The following WARS2 variants were observed in gnomAD, a reference collection of about 807,000 sequenced individuals.
The protein encoded by WARS2 is tryptophan--tRNA ligase, mitochondrial.
WARS2 carries 28 observed loss-of-function variants against 36.5 expected under a neutral mutation model. The observed-to-expected ratio is 0.77, with a 90% CI of 0.57 to 1.05. The LOEUF is 1.05. Among genes scored for constraint, WARS2 ranks in the 50% least tolerant of loss-of-function variants. The pLI, the probability that WARS2 is intolerant of heterozygous loss-of-function variation, is 0.00. For synonymous variants in WARS2, 174 were observed against 178.4 expected (o/e 0.98, Z 0.20); for missense variants, 435 against 456.8 (o/e 0.95, Z 0.44).
At chr1:119,056,672 T>C (rs1463796306) in intron 2 of WARS2, among the ~76,000 whole-genome samples, 1 of 151,516 alleles carries the variant, frequency 6.6e-6, no homozygotes, top group Non-Finnish European at 1.5e-5. Context: ...CCAATCAAGA[T>C]ACAGAAAATT....
At chr1:119,095,731 A>G (rs998555581) in intron 1 of WARS2, among the ~76,000 whole-genome samples, 3 of 152,216 alleles carry the variant, frequency 2.0e-5, no homozygotes, top group Non-Finnish European at 4.4e-5. Context: ...GCACCCAGCC[A>G]GTAGTCCAAT....
intron 1 of WARS2, among the ~76,000 whole-genome samples, chr1:119,083,805 A>G (rs1408001829): frequency 1.3e-5 from 2 of 152,212 alleles, no homozygotes; most frequent in African/African-American, 4.8e-5. Flanking sequence ...AAATAATTAG[A>G]AAATTAAATG....
At chr1:119,117,530 C>A (rs1655052493) in intron 1 of WARS2, among the ~76,000 whole-genome samples, 1 of 152,186 alleles carries the variant, frequency 6.6e-6, no homozygotes, top group South Asian at 2.1e-4. Context: ...GCAGAACAAC[C>A]CTGCTCCAAA....
intron 1 of WARS2, among the ~76,000 whole-genome samples, chr1:119,094,512 G>T (rs1653279475): frequency 6.6e-6 from 1 of 151,396 alleles, no homozygotes; most frequent in Non-Finnish European, 1.5e-5. Flanking sequence ...AAGTAAATAT[G>T]TCTTTAAATT....
At chr1:119,098,405 T>TA (rs776696926) in intron 1 of WARS2, among the ~76,000 whole-genome samples, 23 of 152,214 alleles carry the variant, frequency 1.5e-4, no homozygotes, top group Non-Finnish European at 3.2e-4. Context: ...GAGTAGATGT[T>TA]ATGTGATAAT....
At chr1:119,034,921 A>G (rs1384216971) in intron 4 of WARS2, among the ~76,000 whole-genome samples, 1 of 152,218 alleles carries the variant, frequency 6.6e-6, no homozygotes, top group Non-Finnish European at 1.5e-5. Flanking sequence ...AAGTAAAAAA[A>G]CATACTGGAA....
intron 1 of WARS2, among the ~76,000 whole-genome samples, chr1:119,113,048 G>C (rs1446755648): frequency 6.6e-6 from 1 of 152,190 alleles, no homozygotes; most frequent in African/African-American, 2.4e-5. Context: ...AGTTGACTAA[G>C]TGAGTCCATG....
intron 1 of WARS2, among the ~76,000 whole-genome samples, chr1:119,079,645 A>T (rs1383792297): frequency 6.6e-6 from 1 of 152,134 alleles, no homozygotes; most frequent in Non-Finnish European, 1.5e-5. Flanking sequence ...TGCCAAGGTT[A>T]CTTAAATTTG....
intron 1 of WARS2, among the ~76,000 whole-genome samples, chr1:119,083,251 G>A (rs1429546741): frequency 6.6e-6 from 1 of 151,806 alleles, no homozygotes; most frequent in African/African-American, 2.4e-5. Flanking sequence ...GAAAAGAAAG[G>A]AAAGATTTAG....
chr1:119,102,213 AAT>A (rs1345897098), intron 1 of WARS2, among the ~76,000 whole-genome samples: 1 of 152,216 alleles, frequency 6.6e-6, no homozygotes, highest in Non-Finnish European at 1.5e-5. Flanking sequence ...ATGAAATAGT[AAT>A]TCCCTTGAGA....
intron 1 of WARS2, among the ~76,000 whole-genome samples, chr1:119,078,915 T>A (rs1468986640): frequency 1.3e-5 from 2 of 151,288 alleles, no homozygotes; most frequent in East Asian, 3.9e-4. Flanking sequence ...TGTGTGTGTG[T>A]GTGTGCATAT....
chr1:119,088,435 AACACACAC>A (rs113752727), intron 1 of WARS2, among the ~76,000 whole-genome samples: 6 of 149,064 alleles, frequency 4.0e-5, no homozygotes, highest in South Asian at 4.3e-4. Context: ...GAAACACTGA[AACACACAC>A]ACACACACAC....
chr1:119,089,361 C>T (rs1390392264), intron 1 of WARS2, among the ~76,000 whole-genome samples: 1 of 152,162 alleles, frequency 6.6e-6, no homozygotes, highest in Non-Finnish European at 1.5e-5. Flanking sequence ...AGGTTGTTAA[C>T]TCAGCCTTAT....
chr1:119,036,882 T>C (rs538850225), intron 4 of WARS2, among the ~76,000 whole-genome samples: 6 of 152,212 alleles, frequency 3.9e-5, no homozygotes, highest in Non-Finnish European at 7.3e-5. Flanking sequence ...TGTGTTTGTT[T>C]CTAGCCTTCC....
chr1:119,103,351 T>C (rs924901864), intron 1 of WARS2, among the ~76,000 whole-genome samples: 9 of 152,082 alleles, frequency 5.9e-5, no homozygotes, highest in Non-Finnish European at 1.5e-5. Context: ...CTGGTACCCA[T>C]TACCTCAGAT....
In WARS2 at chr1:119,140,596, GGATGAAGCTC is replaced by G. The variant is rs1209639113; in HGVS notation, c.39_48del (p.Trp13CysfsTer45). On this transcript the variant is annotated frameshift_variant, in exon 1 of 6. Coordinates refer to ENST00000235521, the MANE Select transcript of WARS2 (RefSeq NM_015836.4). LOFTEE classifies it high-confidence loss of function. ...GCTGCGGATCCCTTATGAAGTGCCC[GGATGAAGCTC>G]CAGCGCTCACGCGCTTTCCGCATTG... 6.2e-7 allele frequency: 1 copy of G among 1,613,764 alleles called. No individual in the cohort carries two copies. The highest frequency in any genetic ancestry group is 2.2e-5 in the East Asian group (1 of 44,870).
At position 119,042,256 on chromosome 1, in the gene WARS2, CTT is replaced by C. The variant is rs1189600395; in HGVS notation, c.515+6_515+7del. The C allele has an allele frequency of 1.9e-6, 3 of 1,613,678 alleles. No individual in the cohort carries two copies. Among genetic ancestry groups the C allele is most frequent in the Non-Finnish European group, 2.5e-6 (3 of 1,179,690 alleles). On this transcript the variant is annotated splice_donor_region_variant and intron_variant, in intron 4 of 5. Coordinates refer to ENST00000235521, the MANE Select transcript of WARS2 (RefSeq NM_015836.4). The stretch of plus-strand genomic sequence containing the variant: ...TATGTATAAGACTGGGCTGAACTCT[CTT>C]CTTACTTGTACAACAGAATGTCGGC...
chr1:119,087,893 C>G (rs144988251), intron 1 of WARS2, among the ~76,000 whole-genome samples: 179 of 152,296 alleles, frequency 1.2e-3, no homozygotes, highest in Non-Finnish European at 2.1e-3. Flanking sequence ...AGCAGAGGCT[C>G]TCAAAGTGTG....
chr1:119,037,303 A>G (rs949789947), intron 4 of WARS2, among the ~76,000 whole-genome samples: 2 of 146,748 alleles, frequency 1.4e-5, no homozygotes, highest in African/African-American at 5.2e-5. Flanking sequence ...TCCTTTTTGC[A>G]TCTATGATAC....
Sources: allele counts gnomAD v4.1 joint callset (sites outside exome capture counted in the v4.1 genomes callset), GRCh38; gene constraint gnomAD v4.1.1; transcripts MANE v1.5; gene names NCBI Gene and HGNC (gene_info 2026-07-23, HGNC 2026-07-21).